The following HECW1 variants were observed in gnomAD, a reference collection of about 807,000 sequenced individuals.
The protein encoded by HECW1 is E3 ubiquitin-protein ligase HECW1.
In HECW1, 61 loss-of-function variants were observed where a neutral mutation model predicts 182.3. The ratio of observed to expected loss-of-function variants is 0.33; its 90% CI spans 0.27 to 0.41. HECW1 has a LOEUF of 0.41. Among genes scored for constraint, HECW1 ranks in the 10% least tolerant of loss-of-function variants. The probability of loss-of-function intolerance (pLI) is 1.00; values close to 1 mark genes in which losing one functional copy is unlikely to be tolerated. For missense variants in HECW1, 1,739 were observed against 2,108.9 expected (o/e 0.82, Z 3.44); for synonymous variants, 859 against 832.6 (o/e 1.03, Z -0.55).
intron 2 of HECW1, among the ~76,000 whole-genome samples, chr7:43,138,011 G>A (rs1787752494): frequency 6.6e-6 from 1 of 151,980 alleles, no homozygotes. Context: ...TGATTTCAGT[G>A]GCTTTGTTTG....
At chr7:43,475,476 A>T (rs965403671) in intron 16 of HECW1, among the ~76,000 whole-genome samples, 5 of 152,202 alleles carry the variant, frequency 3.3e-5, no homozygotes, top group African/African-American at 1.2e-4. Flanking sequence ...ATACTCAAAG[A>T]CTTAGTAGCA....
chr7:43,334,214 G>A (rs971324638), intron 5 of HECW1, among the ~76,000 whole-genome samples: 19 of 152,098 alleles, frequency 1.2e-4, no homozygotes, highest in Admixed American at 3.3e-4. Context: ...TATCTACCCA[G>A]GACCAATTCG....
intron 9 of HECW1, among the ~76,000 whole-genome samples, 187 bp from the exon 10 acceptor site, chr7:43,442,342 A>G (rs1164344291): frequency 6.6e-6 from 1 of 152,242 alleles, no homozygotes; most frequent in Non-Finnish European, 1.5e-5. Flanking sequence ...TTATTGGGTC[A>G]TAATCCATGG....
Position 43,463,691 on chromosome 7 carries a change from G to C in HECW1, c.2683G>C (p.Glu895Gln). 6.2e-7 allele frequency: 1 copy of C among 1,614,028 alleles called. No individual in the cohort carries two copies. The highest frequency in any genetic ancestry group is 8.5e-7 in the Non-Finnish European group (1 of 1,180,000). ...YQNIQRTIAT[E>Q]RSEEDSGSQS... is the part of the protein sequence containing the mutation. Reference sequence around the variant, plus strand: ...AAACATTCAGCGAACCATTGCAACAGAGAGGTCCGAAGAAGATTCTGGCAG... The same window carrying C: ...AAACATTCAGCGAACCATTGCAACACAGAGGTCCGAAGAAGATTCTGGCAG... The change falls in exon 14 of 30, where the codon GAG (glutamate) becomes CAG (glutamine). Residue 895 changes from glutamate (E) to glutamine (Q), a missense_variant. This residue lies in a region of HECW1 where 971 missense variants were observed against 1,029.1 expected (regional missense o/e 0.94). Transcript: ENST00000395891.
rs1360390868 is a variant in HECW1, at chr7:43,509,127, C to G, written c.4019+6C>G. 1.2e-6 allele frequency: 2 copies of G among 1,610,818 alleles called. No individual in the cohort carries two copies. Among genetic ancestry groups the G allele is most frequent in the Non-Finnish European group, 1.7e-6 (2 of 1,179,000 alleles). ...GTAGAAAACCATCTTGAGTGGTAAG[C>G]TCTATAATGTTCACTTTCTTGTATT... On this transcript the variant is annotated splice_donor_region_variant and intron_variant, in intron 24 of 29. Transcript: ENST00000395891.
intron 29 of HECW1, among the ~76,000 whole-genome samples, chr7:43,558,108 G>A (rs934463745): frequency 1.3e-5 from 2 of 152,160 alleles, no homozygotes; most frequent in African/African-American, 4.8e-5. Context: ...GGACCCGGAG[G>A]CAGCATCTGG....
intron 2 of HECW1, among the ~76,000 whole-genome samples, chr7:43,117,528 G>GT (rs34707380): frequency 0.37 from 55,300 of 150,962 alleles, 10,545 homozygotes; most frequent in African/African-American, 0.46. Flanking sequence ...GCTTTTCCAA[G>GT]TTAAGACACA....
chr7:43,464,725 C>T (rs1411413053), intron 14 of HECW1, among the ~76,000 whole-genome samples: 3 of 152,214 alleles, frequency 2.0e-5, no homozygotes, highest in Non-Finnish European at 4.4e-5. Flanking sequence ...TCCACAGTTC[C>T]ACCACCAATT....
At chr7:43,315,991 A>T (rs1398837282) in intron 4 of HECW1, among the ~76,000 whole-genome samples, 1 of 151,934 alleles carries the variant, frequency 6.6e-6, no homozygotes, top group African/African-American at 2.4e-5. Flanking sequence ...TGCTCATTCC[A>T]CTCTTAACAG....
At chr7:43,160,588 T>G (rs1478745333) in intron 2 of HECW1, among the ~76,000 whole-genome samples, 1 of 152,232 alleles carries the variant, frequency 6.6e-6, no homozygotes, top group African/African-American at 2.4e-5. Context: ...TCGCAAAGTC[T>G]TCAACGTATC....
At chr7:43,233,479 T>C (rs1397664556) in intron 2 of HECW1, among the ~76,000 whole-genome samples, 1 of 152,198 alleles carries the variant, frequency 6.6e-6, no homozygotes, top group Non-Finnish European at 1.5e-5. Context: ...TGGAAAAATA[T>C]GTAATTGGAA....
In HECW1 at chr7:43,228,487, G is replaced by A. The variant is rs114245669; in HGVS notation, c.-31-15388G>A. Among the ~76,000 whole-genome samples the A allele has an allele frequency of 5.4e-3, 826 of 152,312 alleles. 11 individuals are homozygous for A. The highest frequency in any genetic ancestry group is 0.019 in the African/African-American group (778 of 41,570). On this transcript the variant is annotated intron_variant, in intron 2 of 29. Coordinates refer to ENST00000395891, the MANE Select transcript of HECW1 (RefSeq NM_015052.5). The stretch of plus-strand genomic sequence containing the variant: ...GCTAAGAGAAGGTTGAAAATGTACC[G>A]TCAGGAGGTGCAAAGAACTATGGGA...
intron 5 of HECW1, among the ~76,000 whole-genome samples, chr7:43,356,372 T>C (rs2152809235): frequency 6.6e-6 from 1 of 152,270 alleles, no homozygotes; most frequent in East Asian, 1.9e-4. Context: ...TCTATGCATA[T>C]CTATGCACCC....
chr7:43,220,908 C>T (rs1179776004), intron 2 of HECW1, among the ~76,000 whole-genome samples: 1 of 152,164 alleles, frequency 6.6e-6, no homozygotes, highest in Non-Finnish European at 1.5e-5. Flanking sequence ...AATTCACAGG[C>T]CTCCCTGTGC....
intron 2 of HECW1, among the ~76,000 whole-genome samples, chr7:43,206,210 G>A (rs1042157334): frequency 6.6e-6 from 1 of 152,166 alleles, no homozygotes; most frequent in Non-Finnish European, 1.5e-5. Context: ...CATTTTAAGG[G>A]TTCTGATGGT....
intron 24 of HECW1, among the ~76,000 whole-genome samples, chr7:43,529,093 G>C (rs953736346): frequency 2.0e-5 from 3 of 151,980 alleles, no homozygotes; most frequent in Non-Finnish European, 4.4e-5. Flanking sequence ...TCCCACAGTG[G>C]CCCTCTCAAC....
chr7:43,331,490 G>C (rs1367814118), intron 5 of HECW1, among the ~76,000 whole-genome samples: 1 of 152,018 alleles, frequency 6.6e-6, no homozygotes, highest in East Asian at 1.9e-4. Context: ...CTACTCGGGA[G>C]GCTGAGGCTG....
At chr7:43,401,567 G>T (rs374633518) in intron 7 of HECW1, among the ~76,000 whole-genome samples, 3 of 123,202 alleles carry the variant, frequency 2.4e-5, no homozygotes, top group African/African-American at 3.0e-5. Context: ...ATTTAAAAAG[G>T]TTTTTTTTTT....
At chr7:43,559,196 G>T (rs984082012) in intron 29 of HECW1, among the ~76,000 whole-genome samples, 2 of 152,198 alleles carry the variant, frequency 1.3e-5, no homozygotes, top group African/African-American at 4.8e-5. Context: ...GACACAGTTA[G>T]AAGGATAAAC....
Sources: gnomAD v4.1 joint callset for allele counts (sites outside exome capture counted in the v4.1 genomes callset) on GRCh38, gnomAD v4.1.1 for gene constraint, gnomAD v4.1.1 regional missense constraint, MANE v1.5 for transcripts, NCBI Gene and HGNC (gene_info 2026-07-23, HGNC 2026-07-21) for gene names.